Variants in NEXN observed in about 807,000 individuals in gnomAD.
NEXN encodes nexilin F-actin binding protein, also known as nexilin.
A neutral mutation model predicts 92.6 loss-of-function variants in NEXN; 65 were observed. That is an observed-to-expected ratio of 0.70 (90% CI 0.57 to 0.86). The LOEUF (loss-of-function observed/expected upper bound fraction) is 0.86. NEXN is among the 40% of genes least tolerant of loss of function. The pLI, the probability that NEXN is intolerant of heterozygous loss-of-function variation, is 0.00. For synonymous variants in NEXN, 254 were observed against 242.5 expected, an observed-to-expected ratio of 1.05 and a Z score of -0.44; for missense variants, 778 against 771.1, an observed-to-expected ratio of 1.01 and a Z score of -0.11.
chr1:77,902,455 T>A (rs562400049), intron 1 of NEXN, among the ~76,000 whole-genome samples: 2 of 78,122 alleles, frequency 2.6e-5, no homozygotes, highest in East Asian at 1.0e-3. Flanking sequence ...AGGTTTTGAT[T>A]CTGTTCATAT....
At chr1:77,911,703 G>A (rs1056782726) in intron 1 of NEXN, among the ~76,000 whole-genome samples, 8 of 151,606 alleles carry the variant, frequency 5.3e-5, no homozygotes, top group African/African-American at 1.5e-4. Context: ...TGAATTTCAT[G>A]TTTAGACTTG....
At chr1:77,940,604 G>A (rs1651182397) in intron 11 of NEXN, among the ~76,000 whole-genome samples, 1 of 152,156 alleles carries the variant, frequency 6.6e-6, no homozygotes, top group South Asian at 2.1e-4. Flanking sequence ...GTTATTAACT[G>A]GGAGGGACTC....
At chr1:77,894,299 G>C (rs1647172317) in intron 1 of NEXN, among the ~76,000 whole-genome samples, 3 of 152,086 alleles carry the variant, frequency 2.0e-5, no homozygotes, top group African/African-American at 4.8e-5. Flanking sequence ...ATTGGTAGGA[G>C]GGAAATAGAT....
chr1:77,941,887 G>T, intron 11 of NEXN, 136 bp from the exon 12 acceptor site: 1 of 777,440 alleles, frequency 1.3e-6, no homozygotes, highest in Non-Finnish European at 2.1e-6. Context: ...GAAAAAATCT[G>T]AGTGTCTGCA....
chr1:77,894,747 G>A (rs1444225188), intron 1 of NEXN, among the ~76,000 whole-genome samples: 1 of 151,486 alleles, frequency 6.6e-6, no homozygotes, highest in African/African-American at 2.4e-5. Context: ...ATGGAGTCTT[G>A]CTCTGTAGCC....
intron 5 of NEXN, among the ~76,000 whole-genome samples, chr1:77,921,498 G>A (rs1649415496): frequency 6.6e-6 from 1 of 152,006 alleles, no homozygotes; most frequent in Admixed American, 6.6e-5. Context: ...AGGCTGGAGT[G>A]CAGTGGTGCA....
chr1:77,904,859 G>C lies in NEXN; in HGVS notation c.-52-11196G>C, dbSNP rs530978962. Among the ~76,000 whole-genome samples, 29 of 152,316 alleles carry C rather than the reference G, an allele frequency of 1.9e-4. No homozygotes were observed. The South Asian group carries it at 5.4e-3, about 28-fold the overall frequency. ...AAAATCCGGTTCCAAGGCTTTTGTT[G>C]AGAGTTGTTGCAAAGAGACTGTTAA... On this transcript the variant is annotated intron_variant, in intron 1 of 12. Coordinates refer to ENST00000334785, the MANE Select transcript of NEXN (RefSeq NM_144573.4).
intron 1 of NEXN, among the ~76,000 whole-genome samples, chr1:77,901,803 T>TA (rs1647736510): frequency 6.6e-6 from 1 of 152,214 alleles, no homozygotes; most frequent in South Asian, 2.1e-4. Flanking sequence ...GGTGTCTCAC[T>TA]ATGTTGCCCA....
intron 1 of NEXN, among the ~76,000 whole-genome samples, chr1:77,905,681 T>C (rs1648061968): frequency 6.6e-6 from 1 of 152,146 alleles, no homozygotes; most frequent in Non-Finnish European, 1.5e-5. Flanking sequence ...TTCAGGAAGG[T>C]GGGTCATTAC....
intron 1 of NEXN, among the ~76,000 whole-genome samples, chr1:77,913,176 A>T (rs1349583047): frequency 6.6e-6 from 1 of 152,206 alleles, no homozygotes; most frequent in African/African-American, 2.4e-5. Context: ...GCACTTTGGG[A>T]GGCCGAGGTG....
At chr1:77,897,412 A>G (rs1017936600) in intron 1 of NEXN, among the ~76,000 whole-genome samples, 5 of 152,254 alleles carry the variant, frequency 3.3e-5, no homozygotes, top group African/African-American at 1.2e-4. Context: ...CAAAAACCAC[A>G]TGATTATTTC....
At chr1:77,915,134 T>C (rs1371099575) in intron 1 of NEXN, among the ~76,000 whole-genome samples, 1 of 151,144 alleles carries the variant, frequency 6.6e-6, no homozygotes, top group African/African-American at 2.4e-5. Context: ...AACAACACAG[T>C]GAGACCCCAT....
intron 1 of NEXN, among the ~76,000 whole-genome samples, chr1:77,902,399 T>G (rs927497861): frequency 1.3e-5 from 2 of 152,140 alleles, no homozygotes; most frequent in African/African-American, 2.4e-5. Flanking sequence ...CAATTTTCTT[T>G]GAGTGGTTAA....
intron 2 of NEXN, among the ~76,000 whole-genome samples, chr1:77,916,829 G>GGA (rs1254537129): frequency 6.6e-6 from 1 of 152,164 alleles, no homozygotes; most frequent in Non-Finnish European, 1.5e-5. Flanking sequence ...TTAGAGTGGA[G>GGA]GAAAATCATT....
At chr1:77,941,719 A>C (rs897710465) in intron 11 of NEXN, 2 of 400,734 alleles carry the variant, frequency 5.0e-6, no homozygotes, top group Non-Finnish European at 9.3e-6. Flanking sequence ...TAGCATTCTG[A>C]CCTTTTTCAG....
At position 77,893,590 on chromosome 1, in the gene NEXN, T is replaced by C. The variant is rs1254372666; in HGVS notation, c.-53+4831T>C. Among the ~76,000 whole-genome samples, 5 of 152,220 alleles carry C rather than the reference T, an allele frequency of 3.3e-5. No individual in the cohort carries two copies. In the East Asian group the frequency reaches 7.7e-4, roughly 23 times the overall value. On this transcript the variant is annotated intron_variant, in intron 1 of 12. Coordinates refer to ENST00000334785, the MANE Select transcript of NEXN (RefSeq NM_144573.4). ...TTTGGATCAGACAGTTTTCCTGTTA[T>C]CTCTTTGTCATTCATTCACTAGCTC...
intron 1 of NEXN, among the ~76,000 whole-genome samples, chr1:77,910,444 A>C (rs1023974383): frequency 2.6e-5 from 4 of 152,172 alleles, no homozygotes. Context: ...AATCTATGAA[A>C]AAGCCAATAG....
intron 5 of NEXN, among the ~76,000 whole-genome samples, chr1:77,924,507 A>G (rs556312950): frequency 1.3e-5 from 2 of 152,322 alleles, no homozygotes; most frequent in South Asian, 4.1e-4. Flanking sequence ...GGCAGTGACA[A>G]AGAATGGAGA....
At chr1:77,934,487 G>C (rs1249612640) in intron 10 of NEXN, among the ~76,000 whole-genome samples, 2 of 152,198 alleles carry the variant, frequency 1.3e-5, no homozygotes, top group South Asian at 4.1e-4. Context: ...TTTGTGTGTT[G>C]TATGTAAGTG....
Sources: gnomAD v4.1 joint callset for allele counts (sites outside exome capture counted in the v4.1 genomes callset) on GRCh38, gnomAD v4.1.1 for gene constraint, MANE v1.5 for transcripts, NCBI Gene and HGNC (gene_info 2026-07-23, HGNC 2026-07-21) for gene names.